RPH3AL: variants seen among roughly 807,000 people sequenced by gnomAD.
RPH3AL encodes the protein rabphilin 3A like (without C2 domains).
Under a neutral mutation model 43.1 loss-of-function variants are expected in RPH3AL, and 38 were observed. The ratio of observed to expected loss-of-function variants is 0.88; its 90% CI spans 0.68 to 1.15. RPH3AL has a LOEUF of 1.15. Among genes scored for constraint, RPH3AL ranks in the 50% most tolerant of loss-of-function variants. The pLI is 0.00. For missense variants in RPH3AL, 462 were observed against 423.2 expected (o/e 1.09, Z -0.81); for synonymous variants, 189 against 176.3 (o/e 1.07, Z -0.57).
chr17:323,055 G>A lies in RPH3AL; in HGVS notation c.78-1640C>T, dbSNP rs1267238770. On this transcript the variant is annotated intron_variant, in intron 3 of 9. Transcript: ENST00000331302. The surrounding 1 kb of genome is among the most constrained non-coding windows in gnomAD (Gnocchi z 4.4). Reference sequence around the variant, plus strand: ...AATTCCCAATTGCCTGCAAATGGTCGTTAATAGTGATAACTGTAATTATCA... The same window carrying A: ...AATTCCCAATTGCCTGCAAATGGTCATTAATAGTGATAACTGTAATTATCA... 1.3e-5 allele frequency among the ~76,000 whole-genome samples: 2 copies of A among 152,102 alleles called. No homozygotes were observed. Among genetic ancestry groups the A allele is most frequent in the Admixed American group, 6.5e-5 (1 of 15,268 alleles).
chr17:276,458 C>T (rs1476408046), intron 6 of RPH3AL, among the ~76,000 whole-genome samples: 1 of 152,242 alleles, frequency 6.6e-6, no homozygotes, highest in Non-Finnish European at 1.5e-5. Flanking sequence ...GTGGCACGAT[C>T]TCAGCCCACT....
At chr17:244,156 TA>T (rs2041680391) in intron 7 of RPH3AL, among the ~76,000 whole-genome samples, 1 of 146,774 alleles carries the variant, frequency 6.8e-6, no homozygotes, top group Non-Finnish European at 1.5e-5. Context: ...CTCTATTGAT[TA>T]CCCTTCCTCT....
intron 7 of RPH3AL, among the ~76,000 whole-genome samples, chr17:244,926 T>C (rs1167341876): frequency 1.3e-5 from 2 of 151,932 alleles, no homozygotes; most frequent in African/African-American, 4.8e-5. Flanking sequence ...TGTGCATGAG[T>C]GTAACGCTAG....
intron 8 of RPH3AL, among the ~76,000 whole-genome samples, chr17:216,502 C>T (rs376718699): frequency 1.6e-3 from 236 of 152,232 alleles, no homozygotes; most frequent in African/African-American, 5.3e-3. Flanking sequence ...AGAGAGCAGA[C>T]GTGGAGCCTG....
chr17:216,344 CA>C (rs1463876101), intron 8 of RPH3AL, among the ~76,000 whole-genome samples: 4 of 152,218 alleles, frequency 2.6e-5, no homozygotes, highest in Non-Finnish European at 5.9e-5. Context: ...CACAGATCAC[CA>C]ACATGAAAGT....
intron 6 of RPH3AL, among the ~76,000 whole-genome samples, chr17:280,669 T>C (rs1446396413): frequency 1.3e-5 from 2 of 152,030 alleles, no homozygotes; most frequent in African/African-American, 2.4e-5. Flanking sequence ...ACGAAACCAA[T>C]GGGGAATTGA....
chr17:266,156 G>T (rs1410505794), intron 6 of RPH3AL, among the ~76,000 whole-genome samples: 2 of 152,178 alleles, frequency 1.3e-5, no homozygotes, highest in African/African-American at 2.4e-5. Flanking sequence ...CCTTCCAGGA[G>T]GATTCATGTA....
At chr17:252,449 G>GT (rs1413842185) in intron 6 of RPH3AL, among the ~76,000 whole-genome samples, 1 of 151,988 alleles carries the variant, frequency 6.6e-6, no homozygotes, top group African/African-American at 2.4e-5. Flanking sequence ...TTTGTTTTTT[G>GT]TTTTTTTGAA....
intron 6 of RPH3AL, among the ~76,000 whole-genome samples, chr17:266,232 G>A (rs1236771884): frequency 3.3e-5 from 5 of 151,922 alleles, no homozygotes; most frequent in East Asian, 1.9e-4. Flanking sequence ...GTGTGTGTGC[G>A]TGCACCTGCA....
Position 213,886 on chromosome 17 carries a change from G to C in RPH3AL, c.914C>G (p.Ala305Gly), listed in dbSNP as rs764117946. ...DTPGRAPAAD[A>G]APAGPSSCLG ...GCAGCTGGAGGGGCCTGCTGGAGCT[G>C]CGTCAGCAGCGGGGGCTCGTCCAGG... Residue 305 changes from alanine (A) to glycine (G), a missense_variant, in exon 10 of 10, where the codon GCA becomes GGA. Transcript: ENST00000331302. 2.5e-5 allele frequency: 40 copies of C among 1,613,648 alleles called. No homozygotes were observed. The highest frequency in any genetic ancestry group is 3.3e-5 in the Non-Finnish European group (39 of 1,179,966).
At chr17:304,326 G>A (rs2043408271) in intron 5 of RPH3AL, among the ~76,000 whole-genome samples, 1 of 151,940 alleles carries the variant, frequency 6.6e-6, no homozygotes, top group Non-Finnish European at 1.5e-5. Context: ...GAGACCTGAA[G>A]CAGACAGAGG....
chr17:316,423 C>T (rs1299655817), intron 5 of RPH3AL, among the ~76,000 whole-genome samples: 1 of 152,082 alleles, frequency 6.6e-6, no homozygotes, highest in Admixed American at 6.5e-5. Context: ...TGTGACCCCA[C>T]CTCCATTGAC....
chr17:266,015 G>C (rs782486946), intron 6 of RPH3AL, among the ~76,000 whole-genome samples: 6 of 152,342 alleles, frequency 3.9e-5, no homozygotes, highest in Non-Finnish European at 8.8e-5. Flanking sequence ...CCACACCAGG[G>C]CAGCTGGGCA....
chr17:342,544 G>C (rs34839721), intron 1 of RPH3AL, among the ~76,000 whole-genome samples: 1 of 152,046 alleles, frequency 6.6e-6, no homozygotes, highest in Non-Finnish European at 1.5e-5. Context: ...ATGAAGTATC[G>C]ATTCATGCTA....
At chr17:243,999 T>C (rs910744612) in intron 7 of RPH3AL, among the ~76,000 whole-genome samples, 5 of 151,720 alleles carry the variant, frequency 3.3e-5, no homozygotes, top group African/African-American at 7.3e-5. Flanking sequence ...ACCCTTCCTC[T>C]ATTGATTACC....
In RPH3AL at chr17:333,355, C is replaced by T; in HGVS notation, c.-37+404G>A. The T allele has an allele frequency of 8.3e-7, 1 of 1,204,802 alleles. No homozygotes were observed. Among genetic ancestry groups the T allele is most frequent in the Non-Finnish European group, 1.1e-6 (1 of 915,160 alleles). 74.6% of individuals were successfully genotyped at this position (1,204,802 alleles called of 1,614,324 possible). On this transcript the variant is annotated intron_variant, in intron 2 of 9. Coordinates refer to ENST00000331302, the MANE Select transcript of RPH3AL (RefSeq NM_006987.4). The surrounding 1 kb of genome is among the most constrained non-coding windows in gnomAD (Gnocchi z 4.5). ...CTTAAATTCTCACATCAGCCACCCC[C>T]ATGGCGACTCTTAACACCTTAATGT...
intron 3 of RPH3AL, among the ~76,000 whole-genome samples, chr17:325,004 G>A (rs1218388180): frequency 6.6e-6 from 1 of 152,086 alleles, no homozygotes; most frequent in Non-Finnish European, 1.5e-5. Flanking sequence ...GATTACAGGT[G>A]TGTGCCAACA....
At position 333,045 on chromosome 17, in the gene RPH3AL, C is replaced by G. The variant is rs946277353; in HGVS notation, c.-37+714G>C. 2 of 1,289,172 alleles carry G rather than the reference C, an allele frequency of 1.6e-6. No individual in the cohort carries two copies. The highest frequency in any genetic ancestry group is 2.0e-6 in the Non-Finnish European group (2 of 988,700). The allele number at this position is 1,289,172 out of a possible 1,614,324, so 79.9% of individuals were successfully genotyped here. A position where few individuals can be genotyped will look rare whatever the true frequency, so the allele number is the denominator to read the frequency against. Reference sequence around the variant, plus strand: ...CTGAGACAGATCGGTAAAAACAACCCCTTCTTCCAGGAGGATGCAATTCTC... The same window carrying G: ...CTGAGACAGATCGGTAAAAACAACCGCTTCTTCCAGGAGGATGCAATTCTC... On this transcript the variant is annotated intron_variant, in intron 2 of 9. Coordinates refer to ENST00000331302, the MANE Select transcript of RPH3AL (RefSeq NM_006987.4). The surrounding 1 kb of genome is among the most constrained non-coding windows in gnomAD (Gnocchi z 4.5).
Position 213,827 on chromosome 17 carries a change from A to AAG in RPH3AL, c.*23_*24dup. ...GGTCTGGCAGGAATCCTCCACAGGG[A>AAG]AGTCTGTTCCAGGCACCAGACACCT... On this transcript the variant is annotated 3_prime_UTR_variant, in exon 10 of 10. Coordinates refer to ENST00000331302, the MANE Select transcript of RPH3AL (RefSeq NM_006987.4). The AAG allele has an allele frequency of 1.9e-6, 3 of 1,597,476 alleles. No homozygotes were observed. The highest frequency in any genetic ancestry group is 2.6e-6 in the Non-Finnish European group (3 of 1,166,054).
Sources: allele counts gnomAD v4.1 joint callset (sites outside exome capture counted in the v4.1 genomes callset), GRCh38; gene constraint gnomAD v4.1.1; non-coding constraint Gnocchi (gnomAD v3.1); transcripts MANE v1.5; gene names NCBI Gene and HGNC (gene_info 2026-07-23, HGNC 2026-07-21).